TTC8: variants seen among roughly 807,000 people sequenced by gnomAD.
TTC8 encodes tetratricopeptide repeat protein 8.
In TTC8, 47 loss-of-function variants were observed where a neutral mutation model predicts 72.5. The observed-to-expected ratio is 0.65, with a 90% CI of 0.51 to 0.83. The LOEUF (loss-of-function observed/expected upper bound fraction) is 0.83, where lower values mean the gene tolerates loss of function less well. Among genes scored for constraint, TTC8 ranks in the 40% least tolerant of loss-of-function variants. TTC8 has a pLI of 0.00. For missense variants in TTC8, 611 were observed against 623.2 expected, an observed-to-expected ratio of 0.98 and a Z score of 0.21; for synonymous variants, 199 against 221.4, an observed-to-expected ratio of 0.90 and a Z score of 0.90.
chr14:88,859,087 ATTTG>A (rs1031843073), intron 9 of TTC8, among the ~76,000 whole-genome samples: 3 of 151,826 alleles, frequency 2.0e-5, no homozygotes, highest in African/African-American at 7.3e-5. Context: ...CCATAAATTG[ATTTG>A]TTTATTATTC....
intron 8 of TTC8, 48 bp downstream of exon 8, chr14:88,853,104 G>A (rs2094840710): frequency 1.4e-6 from 2 of 1,422,554 alleles, no homozygotes; most frequent in African/African-American, 2.8e-5. Context: ...ACGTATTTTA[G>A]GGTCTCAAAT....
chr14:88,847,745 A>G (rs1427174779), intron 7 of TTC8, among the ~76,000 whole-genome samples: 1 of 152,196 alleles, frequency 6.6e-6, no homozygotes, highest in African/African-American at 2.4e-5. Context: ...GGACAGAAAC[A>G]AAATCAGAAG....
At chr14:88,875,179 A>G in intron 14 of TTC8, 70 bp downstream of exon 14, 1 of 1,342,628 alleles carries the variant, frequency 7.4e-7, no homozygotes, top group East Asian at 2.3e-5. Flanking sequence ...AAAAAGTACA[A>G]ATAAATGAGG....
downstream of TTC8, chr14:88,879,981 T>C (rs1263782814): frequency 6.6e-6 from 1 of 152,168 alleles, no homozygotes; most frequent in Non-Finnish European, 1.5e-5. Flanking sequence ...CCAGCGTCTC[T>C]ACACTTTTAG....
At position 88,865,117 on chromosome 14, in the gene TTC8, T is replaced by C. The variant is rs989345913; in HGVS notation, c.909+3785T>C. On this transcript the variant is annotated intron_variant, in intron 10 of 14. Transcript: ENST00000380656. The stretch of plus-strand genomic sequence containing the variant: ...TCAGTTTTTCTTGAGGTATTTTGTT[T>C]ATTCATTTCAAAGACAGGTCTTAAT... 2.0e-5 allele frequency among the ~76,000 whole-genome samples: 3 copies of C among 152,342 alleles called. No homozygotes were observed. The South Asian group carries it at 6.2e-4, about 32-fold the overall frequency.
At chr14:88,838,023 A>C (rs975702872) in intron 2 of TTC8, among the ~76,000 whole-genome samples, 2 of 152,232 alleles carry the variant, frequency 1.3e-5, no homozygotes, top group Non-Finnish European at 2.9e-5. Context: ...AGAAAAGTGC[A>C]AGCCAAAAGC....
rs535570062 is a variant in TTC8 at position 88,861,427 on chromosome 14, G to A, written c.909+95G>A. ...ATATTTTAATTCCTGTATACAATGT[G>A]TAATGATCAAATCAGGGTAATTGAG... On this transcript the variant is annotated intron_variant, in intron 10 of 14. Transcript: ENST00000380656. 12 of 879,756 alleles carry A rather than the reference G, an allele frequency of 1.4e-5. No individual in the cohort carries two copies. In the Middle Eastern group the frequency reaches 1.7e-3, roughly 123 times the overall value. 54.5% of individuals were successfully genotyped at this position (879,756 alleles called of 1,614,324 possible).
At chr14:88,843,676 T>G (rs1038015024) in intron 6 of TTC8, 130 bp from the exon 7 acceptor site, 26 of 616,850 alleles carry the variant, frequency 4.2e-5, no homozygotes, top group Non-Finnish European at 5.9e-5. Flanking sequence ...TAGTAATATT[T>G]TAAAATGAGT....
chr14:88,852,922 C>T lies in TTC8; in HGVS notation c.625-49C>T, dbSNP rs773715704. 1.1e-5 allele frequency: 16 copies of T among 1,466,082 alleles called. No homozygotes were observed. The East Asian group carries it at 3.4e-4, about 32-fold the overall frequency. The allele number at this position is 1,466,082 out of a possible 1,614,324, so 90.8% of individuals were successfully genotyped here. A position where few individuals can be genotyped will look rare whatever the true frequency, so the allele number is the denominator to read the frequency against. ...ATTTCATTATTTATTTTCCTGACTG[C>T]TTATTGTTAGAAAAGAAAATACTAA... On this transcript the variant is annotated intron_variant, in intron 7 of 14. Transcript: ENST00000380656.
chr14:88,830,856 T>C (rs889597750), intron 1 of TTC8: 5 of 455,944 alleles, frequency 1.1e-5, no homozygotes, highest in Non-Finnish European at 2.2e-5. Flanking sequence ...AATTAAAACA[T>C]TCCGACTCTT....
intron 7 of TTC8, 104 bp from the exon 8 acceptor site, chr14:88,852,867 A>T: frequency 1.0e-6 from 1 of 995,120 alleles, no homozygotes; most frequent in Non-Finnish European, 1.5e-6. Flanking sequence ...TTTCTAATGC[A>T]CATTTTGATT....
intron 2 of TTC8, among the ~76,000 whole-genome samples, chr14:88,838,036 A>C (rs2094761294): frequency 6.6e-6 from 1 of 152,214 alleles, no homozygotes; most frequent in African/African-American, 2.4e-5. Flanking sequence ...CCAAAAGCCA[A>C]TCATCTAACC....
chr14:88,846,534 G>A, intron 7 of TTC8: 1 of 853,060 alleles, frequency 1.2e-6, no homozygotes, highest in East Asian at 2.8e-5. Flanking sequence ...TTGGTGATGA[G>A]TTTAGAAGCT....
intron 9 of TTC8, among the ~76,000 whole-genome samples, chr14:88,860,471 C>T (rs1239609175): frequency 1.3e-5 from 2 of 152,176 alleles, no homozygotes; most frequent in Non-Finnish European, 2.9e-5. Flanking sequence ...AAACCTGTGT[C>T]CTCTCTTGTT....
At chr14:88,847,224 T>C (rs919823001) in intron 7 of TTC8, among the ~76,000 whole-genome samples, 9 of 152,178 alleles carry the variant, frequency 5.9e-5, no homozygotes, top group African/African-American at 1.7e-4. Context: ...AAACCAATGG[T>C]TAATAGACGG....
At chr14:88,842,824 G>A (rs1566838646) in intron 6 of TTC8, among the ~76,000 whole-genome samples, 1 of 152,156 alleles carries the variant, frequency 6.6e-6, no homozygotes, top group Non-Finnish European at 1.5e-5. Flanking sequence ...TGCTTGGGGT[G>A]TCTAGGGTGA....
At chr14:88,859,350 GAGCATGTC>G (rs2094872795) in intron 9 of TTC8, among the ~76,000 whole-genome samples, 1 of 152,144 alleles carries the variant, frequency 6.6e-6, no homozygotes, top group African/African-American at 2.4e-5. Flanking sequence ...AAAAGAATGA[GAGCATGTC>G]CTTTGCAGGA....
At chr14:88,860,812 T>C (rs750046889) in intron 9 of TTC8, among the ~76,000 whole-genome samples, 25 of 147,482 alleles carry the variant, frequency 1.7e-4, no homozygotes, top group Non-Finnish European at 3.3e-4. Flanking sequence ...TTCTTCTTCT[T>C]TTTTTTTTTT....
intron 10 of TTC8, among the ~76,000 whole-genome samples, chr14:88,864,973 T>A (rs1388326228): frequency 2.0e-5 from 3 of 152,226 alleles, no homozygotes; most frequent in African/African-American, 4.8e-5. Context: ...TTCTTTTTTT[T>A]ATCTTTCATT....
Sources: allele counts gnomAD v4.1 joint callset (sites outside exome capture counted in the v4.1 genomes callset), GRCh38; gene constraint gnomAD v4.1.1; transcripts MANE v1.5; gene names NCBI Gene and HGNC (gene_info 2026-07-23, HGNC 2026-07-21).